The following ARMH3 variants were observed in gnomAD, a reference collection of about 807,000 sequenced individuals.
ARMH3 encodes the protein armadillo-like helical domain-containing protein 3.
A neutral mutation model predicts 99.1 loss-of-function variants in ARMH3; 60 were observed. The ratio of observed to expected loss-of-function variants is 0.61; its 90% confidence interval spans 0.49 to 0.75. The LOEUF is 0.75. Ranked by LOEUF, ARMH3 falls within the 30% of genes least tolerant of loss-of-function variation. The probability of loss-of-function intolerance (pLI) is 0.00; values close to 1 mark genes in which losing one functional copy is unlikely to be tolerated. For synonymous variants in ARMH3, 285 were observed against 292.8 expected, an observed-to-expected ratio of 0.97 and a Z score of 0.27; for missense variants, 679 against 843.1, an observed-to-expected ratio of 0.81 and a Z score of 2.41.
At chr10:101,954,615 A>G (rs1564789820) in intron 22 of ARMH3, among the ~76,000 whole-genome samples, 1 of 152,180 alleles carries the variant, frequency 6.6e-6, no homozygotes. Context: ...CTACTATATA[A>G]ATTTGTCAAA....
intron 24 of ARMH3, among the ~76,000 whole-genome samples, chr10:101,879,077 C>T (rs573274191): frequency 6.6e-6 from 1 of 152,262 alleles, no homozygotes; most frequent in African/African-American, 2.4e-5. Flanking sequence ...CTAAGACCTT[C>T]CCCCATCCCC....
chr10:101,941,318 A>T (rs543366587), intron 22 of ARMH3, among the ~76,000 whole-genome samples: 1 of 152,336 alleles, frequency 6.6e-6, no homozygotes, highest in Admixed American at 6.5e-5. Flanking sequence ...CATAGTAAAT[A>T]AGTTTTAGCT....
chr10:101,896,649 A>T lies in ARMH3; in HGVS notation c.1782-7159T>A, dbSNP rs2067843825. Reference sequence around the variant, plus strand: ...GCTTTCTCCAACCAGTTCCACACAGAATTAATGTGGTGATTCCCAGGGTGA... The same window carrying T: ...GCTTTCTCCAACCAGTTCCACACAGTATTAATGTGGTGATTCCCAGGGTGA... On this transcript the variant is annotated intron_variant, in intron 23 of 25. Transcript: ENST00000370033. 4.6e-5 allele frequency among the ~76,000 whole-genome samples: 7 copies of T among 152,340 alleles called. No homozygotes were observed. In the South Asian group the frequency reaches 1.5e-3, roughly 32 times the overall value.
intron 4 of ARMH3, 112 bp downstream of exon 4, chr10:102,032,913 TA>T: frequency 2.4e-6 from 3 of 1,228,812 alleles, no homozygotes; most frequent in Non-Finnish European, 3.4e-6. Context: ...CTTACAGAAA[TA>T]AAAAAGAAAA....
chr10:102,014,128 C>A, intron 8 of ARMH3, 104 bp from the exon 9 acceptor site: 1 of 807,996 alleles, frequency 1.2e-6, no homozygotes, highest in Non-Finnish European at 2.0e-6. Flanking sequence ...GGCCCTCTCT[C>A]TACAGTGATG....
intron 22 of ARMH3, 80 bp downstream of exon 22, chr10:101,956,517 A>G: frequency 6.5e-7 from 1 of 1,533,552 alleles, no homozygotes; most frequent in Non-Finnish European, 8.9e-7. Context: ...CTAGAGGAGA[A>G]TCTTTCGTAG....
chr10:102,010,065 T>C (rs372431656), intron 11 of ARMH3, 42 bp from the exon 12 acceptor site: 13 of 1,586,192 alleles, frequency 8.2e-6, no homozygotes, highest in Admixed American at 1.7e-5. Context: ...AGCAGGAGGA[T>C]ATGAGAGGAG....
intron 18 of ARMH3, among the ~76,000 whole-genome samples, chr10:101,991,155 C>G (rs1846771274): frequency 1.3e-5 from 2 of 152,284 alleles, no homozygotes; most frequent in Admixed American, 1.3e-4. Flanking sequence ...GATTTAGAAA[C>G]TGGGGCTGAA....
intron 24 of ARMH3, among the ~76,000 whole-genome samples, chr10:101,857,985 G>C (rs1189688165): frequency 6.6e-6 from 1 of 152,212 alleles, no homozygotes; most frequent in Admixed American, 6.5e-5. Context: ...CAGCAGCCTA[G>C]GCAGAGCCTC....
intron 23 of ARMH3, among the ~76,000 whole-genome samples, chr10:101,925,193 T>C (rs1199211017): frequency 2.0e-5 from 3 of 152,318 alleles, no homozygotes; most frequent in East Asian, 3.9e-4. Context: ...AGCTGCTGAA[T>C]AACATAATGC....
chr10:101,889,460 A>C lies in ARMH3; in HGVS notation c.1812T>G (p.Ile604Met). 1 of 1,613,976 alleles carries C rather than the reference A, an allele frequency of 6.2e-7. No homozygotes were observed. Among genetic ancestry groups the C allele is most frequent in the Non-Finnish European group, 8.5e-7 (1 of 1,179,858 alleles). Reference sequence around the variant, plus strand: ...TGTGATTCACAGCAGCGTAGGACTCAATTTTGGGGTTAAAGTGGTTGATGA... The same window carrying C: ...TGTGATTCACAGCAGCGTAGGACTCCATTTTGGGGTTAAAGTGGTTGATGA... ...RAIINHFNPK[I>M]ESYAAVNHIS... Residue 604 changes from isoleucine (I) to methionine (M), a missense_variant, in exon 24 of 26, where the codon ATT becomes ATG. Physicochemically the swap from Ile to Met is conservative, Grantham distance 10. This residue lies in a region of ARMH3 where 389 missense variants were observed against 456.5 expected (regional missense o/e 0.85). Transcript: ENST00000370033.
intron 20 of ARMH3, among the ~76,000 whole-genome samples, chr10:101,972,004 G>C (rs1165536381): frequency 1.3e-5 from 2 of 152,142 alleles, no homozygotes; most frequent in Non-Finnish European, 2.9e-5. Flanking sequence ...GTTAAAATTA[G>C]CCTAAATATA....
chr10:101,866,927 A>AAC (rs994319856), intron 24 of ARMH3, among the ~76,000 whole-genome samples: 6 of 152,196 alleles, frequency 3.9e-5, no homozygotes, highest in Non-Finnish European at 8.8e-5. Context: ...CAAACAAACA[A>AAC]ACAAAAAGAA....
intron 15 of ARMH3, among the ~76,000 whole-genome samples, chr10:101,996,697 C>T (rs1847074622): frequency 1.9e-5 from 2 of 103,328 alleles, no homozygotes; most frequent in Admixed American, 9.8e-5. Flanking sequence ...TTTATGAATA[C>T]AAAACTAGGC....
intron 23 of ARMH3, among the ~76,000 whole-genome samples, chr10:101,923,934 G>C (rs1451812231): frequency 1.3e-5 from 2 of 152,156 alleles, no homozygotes; most frequent in African/African-American, 4.8e-5. Context: ...TGATTCTTAA[G>C]TAAGGAATTT....
chr10:102,053,985 A>G (rs1253589706), intron 1 of ARMH3, among the ~76,000 whole-genome samples: 1 of 152,144 alleles, frequency 6.6e-6, no homozygotes, highest in South Asian at 2.1e-4. Context: ...TCCTGGATCA[A>G]TTTTTGGCCA....
intron 22 of ARMH3, among the ~76,000 whole-genome samples, chr10:101,955,658 CAATT>C (rs1472507357): frequency 6.6e-6 from 1 of 152,174 alleles, no homozygotes; most frequent in Non-Finnish European, 1.5e-5. Context: ...GGGATTTTCA[CAATT>C]AATCTCATCA....
Position 101,993,643 on chromosome 10 carries a change from T to C in ARMH3, c.1210-40A>G, listed in dbSNP as rs780067274. 13 of 1,375,642 alleles carry C rather than the reference T, an allele frequency of 9.5e-6. No homozygotes were observed. The African/African-American group carries it at 1.3e-4, about 14-fold the overall frequency. 85.2% of individuals were successfully genotyped at this position (1,375,642 alleles called of 1,614,324 possible). ...GAGAAAAAGTAAGAAGCGAGAGCTA[T>C]ATTTAAGAAACTGTAATCTATCACA... On this transcript the variant is annotated intron_variant, in intron 16 of 25. Transcript: ENST00000370033.
chr10:101,872,996 T>C (rs925736176), intron 24 of ARMH3, among the ~76,000 whole-genome samples: 12 of 151,696 alleles, frequency 7.9e-5, no homozygotes, highest in East Asian at 7.8e-4. Flanking sequence ...GTATACTACA[T>C]ACCCAATGGC....
Sources: allele counts gnomAD v4.1 joint callset (sites outside exome capture counted in the v4.1 genomes callset), GRCh38; gene constraint gnomAD v4.1.1; regional missense constraint gnomAD v4.1.1; transcripts MANE v1.5; gene names NCBI Gene and HGNC (gene_info 2026-07-23, HGNC 2026-07-21).